Variants in INPP5D observed in about 807,000 individuals in gnomAD.
INPP5D encodes inositol polyphosphate-5-phosphatase D.
INPP5D carries 33 observed loss-of-function variants against 122.9 expected under a neutral mutation model. The observed-to-expected ratio is 0.27, with a 90% CI of 0.20 to 0.36. INPP5D has a LOEUF of 0.36. Ranked by LOEUF, INPP5D falls within the 10% of genes least tolerant of loss-of-function variation. The probability of loss-of-function intolerance (pLI) is 1.00; values close to 1 mark genes in which losing one functional copy is unlikely to be tolerated. For synonymous variants in INPP5D, 584 were observed against 576.2 expected, an observed-to-expected ratio of 1.01 and a Z score of -0.19; for missense variants, 1,053 against 1,412.7, an observed-to-expected ratio of 0.75 and a Z score of 4.08.
chr2:233,157,242 G>A (rs1273557570), intron 9 of INPP5D, among the ~76,000 whole-genome samples: 2 of 152,144 alleles, frequency 1.3e-5, no homozygotes, highest in African/African-American at 4.8e-5. Flanking sequence ...GATTTAATAC[G>A]AGAGAGAGAA....
intron 9 of INPP5D, among the ~76,000 whole-genome samples, chr2:233,154,212 G>A (rs1450159695): frequency 5.3e-5 from 8 of 152,128 alleles, no homozygotes; most frequent in East Asian, 1.9e-4. Context: ...GCAATGGCGC[G>A]ATCTCAGCTC....
chr2:233,085,752 G>A (rs1039534527), intron 2 of INPP5D, among the ~76,000 whole-genome samples: 9 of 152,018 alleles, frequency 5.9e-5, no homozygotes, highest in Admixed American at 4.6e-4. Context: ...CCTCCCTCTT[G>A]TGTGGCTGCA....
At chr2:233,071,945 T>G in intron 1 of INPP5D, among the ~76,000 whole-genome samples, 1 of 152,246 alleles carries the variant, frequency 6.6e-6, no homozygotes, top group African/African-American at 2.4e-5. Flanking sequence ...TCGTGTCATC[T>G]ACAAATTACC....
chr2:233,070,595 C>A (rs1691352402), intron 1 of INPP5D, among the ~76,000 whole-genome samples: 2 of 152,138 alleles, frequency 1.3e-5, no homozygotes, highest in African/African-American at 4.8e-5. Context: ...GCTCCCGCCA[C>A]CATGCCCAGC....
At chr2:233,125,691 G>C (rs1438080505) in intron 3 of INPP5D, 54 bp from the exon 4 acceptor site, 10 of 1,533,240 alleles carry the variant, frequency 6.5e-6, no homozygotes, top group Admixed American at 1.9e-5. Context: ...TGCGGTGAAG[G>C]CCGGGTTGTG....
chr2:233,198,563 TG>T (rs1245237610), intron 25 of INPP5D, among the ~76,000 whole-genome samples, 187 bp downstream of exon 25: 6 of 152,234 alleles, frequency 3.9e-5, no homozygotes, highest in Admixed American at 1.3e-4. Context: ...TGTCCTAACC[TG>T]TTAGTGCAAC....
intron 2 of INPP5D, among the ~76,000 whole-genome samples, chr2:233,081,387 G>A (rs185665501): frequency 7.2e-5 from 11 of 152,302 alleles, no homozygotes; most frequent in Non-Finnish European, 7.4e-5. Context: ...AAAGTTGGTC[G>A]ATGCTTTTGA....
In INPP5D at chr2:233,193,892, T is replaced by C. The variant is rs771324617; in HGVS notation, c.2527T>C (p.Leu843=). The change falls in exon 23 of 27, where the codon TTG becomes CTG. Residue 843 remains leucine, a synonymous_variant. Transcript: ENST00000445964. ...IYTPLTHHGE[L]TGHFQGEIKL... is the part of the protein sequence containing the mutation. ...CACGCCTCTCACCCACCATGGGGAGTTGACAGGCCACTTCCAGGGGGAGAT... is the reference window on the plus strand; with the variant it reads ...CACGCCTCTCACCCACCATGGGGAGCTGACAGGCCACTTCCAGGGGGAGAT... 4 of 1,613,280 alleles carry C rather than the reference T, an allele frequency of 2.5e-6. No homozygotes were observed. The highest frequency in any genetic ancestry group is 3.4e-6 in the Non-Finnish European group (4 of 1,179,802).
chr2:233,133,907 C>A (rs1326208992), intron 5 of INPP5D: 2 of 451,334 alleles, frequency 4.4e-6, no homozygotes, highest in Non-Finnish European at 8.9e-6. Flanking sequence ...CCTGCTGAGT[C>A]CCCGGTTATA....
rs1694690014 is a variant in INPP5D, at chr2:233,177,973, G to A, written c.2071+627G>A. Among the ~76,000 whole-genome samples the A allele has an allele frequency of 6.6e-6, 1 of 152,114 alleles. No individual in the cohort carries two copies. Among genetic ancestry groups the A allele is most frequent in the Non-Finnish European group, 1.5e-5 (1 of 68,022 alleles). On this transcript the variant is annotated intron_variant, in intron 18 of 26. Transcript: ENST00000445964. This position sits in a 1 kb window ranked among gnomAD's most constrained non-coding sequence, Gnocchi z 4.2. ...TTTTTGTAGGTCAGAAATAGTTATT[G>A]GAAATTCATATGGCTCAAACTAATA...
At position 233,078,590 on chromosome 2, in the gene INPP5D, G is replaced by A. The variant is rs529062237; in HGVS notation, c.135-745G>A. ...TGACAGGTGGCCCCTCTGTGGCTGG[G>A]CCTGGCTTTCCATTCACCATGGGCC... On this transcript the variant is annotated intron_variant, in intron 1 of 26. Coordinates refer to ENST00000445964, the MANE Select transcript of INPP5D (RefSeq NM_001017915.3). This position sits in a 1 kb window ranked among gnomAD's most constrained non-coding sequence, Gnocchi z 4.6. 1.3e-5 allele frequency among the ~76,000 whole-genome samples: 2 copies of A among 152,302 alleles called. 1 individual carries two copies. Among genetic ancestry groups the A allele is most frequent in the South Asian group, 4.1e-4 (2 of 4,828 alleles).
rs774107817 is a variant in INPP5D at position 233,197,225 on chromosome 2, C to T, written c.2694-870C>T. Among the ~76,000 whole-genome samples, 54 of 152,194 alleles carry T rather than the reference C, an allele frequency of 3.5e-4. No individual in the cohort carries two copies. The highest frequency in any genetic ancestry group is 7.2e-4 in the Non-Finnish European group (49 of 68,024). On this transcript the variant is annotated intron_variant, in intron 24 of 26. Coordinates refer to ENST00000445964, the MANE Select transcript of INPP5D (RefSeq NM_001017915.3). This position sits in a 1 kb window ranked among gnomAD's most constrained non-coding sequence, Gnocchi z 4.4. ...AGGCCGGTGCCTGACACAGTGGCAGCGTGCAGTGTGTCTGTTGGGGCCACC... is the reference window on the plus strand; with the variant it reads ...AGGCCGGTGCCTGACACAGTGGCAGTGTGCAGTGTGTCTGTTGGGGCCACC...
chr2:233,158,762 C>T (rs1694122623), intron 10 of INPP5D, among the ~76,000 whole-genome samples: 1 of 104,886 alleles, frequency 9.5e-6, no homozygotes. Context: ...TTGGGACACT[C>T]CTGGATTGAT....
intron 1 of INPP5D, among the ~76,000 whole-genome samples, 186 bp downstream of exon 1, chr2:233,060,798 CT>C (rs1691052043): frequency 6.6e-6 from 1 of 152,194 alleles, no homozygotes; most frequent in Admixed American, 6.5e-5. Context: ...GTTTTGCAGC[CT>C]TGGAGCTGTC....
intron 17 of INPP5D, 98 bp downstream of exon 17, chr2:233,171,250 A>C: frequency 2.4e-6 from 2 of 835,936 alleles, no homozygotes; most frequent in Non-Finnish European, 3.2e-6. Context: ...TCCATTAGGC[A>C]AAAAAAAAAG....
At chr2:233,180,039 G>T (rs565090830) in intron 18 of INPP5D, among the ~76,000 whole-genome samples, 1 of 152,306 alleles carries the variant, frequency 6.6e-6, no homozygotes, top group Admixed American at 6.5e-5. Context: ...AGCAGGCATA[G>T]GGGTGGTACT....
chr2:233,081,230 C>T (rs989188210), intron 2 of INPP5D, among the ~76,000 whole-genome samples: 7 of 152,096 alleles, frequency 4.6e-5, no homozygotes, highest in Admixed American at 3.9e-4. Flanking sequence ...ATGTGAGCAG[C>T]GGAGGGGAGC....
intron 18 of INPP5D, among the ~76,000 whole-genome samples, chr2:233,179,055 CCTGCATTCCTTGCTGAAGGA>C (rs1457436802): frequency 6.6e-6 from 1 of 152,232 alleles, no homozygotes. Context: ...ACACACGCAC[CCTGCATTCCTTGCTGAAGGA>C]CTGAGCTCTG....
At chr2:233,127,191 G>T (rs1693186939) in intron 4 of INPP5D, among the ~76,000 whole-genome samples, 1 of 152,220 alleles carries the variant, frequency 6.6e-6, no homozygotes, top group African/African-American at 2.4e-5. Context: ...TCCAGGAGGG[G>T]TTAGGGTCGG....
Sources: gnomAD v4.1 joint callset for allele counts (sites outside exome capture counted in the v4.1 genomes callset) on GRCh38, gnomAD v4.1.1 for gene constraint, Gnocchi (gnomAD v3.1) non-coding constraint, MANE v1.5 for transcripts, NCBI Gene and HGNC (gene_info 2026-07-23, HGNC 2026-07-21) for gene names.